Variants in PALMD observed in about 807,000 individuals in gnomAD.
PALMD encodes palmdelphin.
A neutral mutation model predicts 56.2 loss-of-function variants in PALMD; 42 were observed. The observed-to-expected ratio is 0.75, with a 90% CI of 0.58 to 0.97. The LOEUF (loss-of-function observed/expected upper bound fraction) is 0.97. PALMD is among the 50% of genes least tolerant of loss of function. The probability of loss-of-function intolerance (pLI) is 0.00; values close to 1 mark genes in which losing one functional copy is unlikely to be tolerated. For synonymous variants in PALMD, 242 were observed against 222.9 expected (o/e 1.09, Z -0.76); for missense variants, 660 against 643.8 (o/e 1.03, Z -0.27).
intron 1 of PALMD, among the ~76,000 whole-genome samples, chr1:99,648,341 C>G (rs1331411811): frequency 1.3e-5 from 2 of 152,184 alleles, no homozygotes; most frequent in Admixed American, 1.3e-4. Context: ...TCTCCTCCCT[C>G]TTGGACGCCC....
Position 99,650,240 on chromosome 1 carries a change from T to C in PALMD, c.45+3878T>C, listed in dbSNP as rs142106930. Among the ~76,000 whole-genome samples, 499 of 140,310 alleles carry C rather than the reference T, an allele frequency of 3.6e-3. 8 individuals are homozygous for C. Among genetic ancestry groups the C allele is most frequent in the Non-Finnish European group, 2.9e-3 (193 of 65,998 alleles). 92.0% of individuals were successfully genotyped at this position (140,310 alleles called of 152,430 possible). A position where few individuals can be genotyped will look rare whatever the true frequency, so the allele number is the denominator to read the frequency against. On this transcript the variant is annotated intron_variant, in intron 1 of 7. Transcript: ENST00000263174. ...GCCATATAAAGTCCTGACACTGGAA[T>C]TTGAGCAACAGAGCCAGATTTTGCC... is the stretch of plus-strand genomic sequence containing the variant.
chr1:99,647,485 A>G (rs1168694205), intron 1 of PALMD, among the ~76,000 whole-genome samples: 6 of 152,230 alleles, frequency 3.9e-5, no homozygotes, highest in Non-Finnish European at 7.3e-5. Context: ...GTCTATTGAT[A>G]AGGTTGGCAC....
At chr1:99,684,100 G>GTA (rs1309054728) in intron 3 of PALMD, 3 of 152,034 alleles carry the variant, frequency 2.0e-5, no homozygotes, top group Admixed American at 6.6e-5. Flanking sequence ...GTGTTTATGT[G>GTA]TATATATATG....
At chr1:99,660,073 A>G (rs537272329) in intron 1 of PALMD, among the ~76,000 whole-genome samples, 1 of 152,268 alleles carries the variant, frequency 6.6e-6, no homozygotes, top group African/African-American at 2.4e-5. Flanking sequence ...CCCACAAAAC[A>G]TGCTCTTCTC....
chr1:99,665,243 A>T (rs1426055374), intron 2 of PALMD, among the ~76,000 whole-genome samples: 1 of 152,126 alleles, frequency 6.6e-6, no homozygotes, highest in Non-Finnish European at 1.5e-5. Flanking sequence ...CTGCAGAAAG[A>T]CCTATCACCT....
chr1:99,679,340 G>C (rs1443735208), intron 3 of PALMD, among the ~76,000 whole-genome samples: 1 of 152,138 alleles, frequency 6.6e-6, no homozygotes, highest in Non-Finnish European at 1.5e-5. Flanking sequence ...ACACAGTCTT[G>C]TGTGGAAGCA....
intron 2 of PALMD, 127 bp from the exon 3 acceptor site, chr1:99,667,515 G>A: frequency 1.3e-6 from 1 of 773,980 alleles, no homozygotes; most frequent in Non-Finnish European, 2.2e-6. Flanking sequence ...ATTCAGGCAA[G>A]GCACTGACAG....
chr1:99,662,490 G>GA lies in PALMD; in HGVS notation c.126+98dup, dbSNP rs1571063254. 8 of 779,576 alleles carry GA rather than the reference G, an allele frequency of 1.0e-5. 1 individual carries two copies. The East Asian group carries it at 2.1e-4, about 20-fold the overall frequency. 48.3% of individuals were successfully genotyped at this position (779,576 alleles called of 1,614,324 possible). The stretch of plus-strand genomic sequence containing the variant: ...TCAATAGTAAAAAAGCTTTAGGAAA[G>GA]AAAAAAATTTCAAGATAGTTTGACT... On this transcript the variant is annotated intron_variant, in intron 2 of 7. Transcript: ENST00000263174.
At position 99,689,275 on chromosome 1, in the gene PALMD, A is replaced by C; in HGVS notation, c.1015A>C (p.Lys339Gln). ...ATCAGTGATTCAACAAGCAGAAGAG[A>C]AGCTTCACACCCCGCAAAAAAGGCT... ...PRSVIQQAEEKLHTPQKRLMT... is the reference protein window; with the variant it reads ...PRSVIQQAEEQLHTPQKRLMT... Residue 339 changes from lysine to glutamine, a missense_variant, in exon 7 of 8, where the codon AAG becomes CAG. By Grantham distance (53) the Lys-to-Gln change is moderately conservative. Transcript: ENST00000263174. 6.2e-7 allele frequency: 1 copy of C among 1,613,456 alleles called. No individual in the cohort carries two copies. The highest frequency in any genetic ancestry group is 8.5e-7 in the Non-Finnish European group (1 of 1,179,850).
At chr1:99,683,150 G>C (rs1653409242) in intron 3 of PALMD, 2 of 114,190 alleles carry the variant, frequency 1.8e-5, no homozygotes, top group East Asian at 4.3e-4. Context: ...AAGAAAGAAA[G>C]AAAGAAAGAA....
At chr1:99,672,106 T>C (rs1312176564) in intron 3 of PALMD, among the ~76,000 whole-genome samples, 2 of 152,194 alleles carry the variant, frequency 1.3e-5, no homozygotes, top group African/African-American at 2.4e-5. Flanking sequence ...GTACCCTGAC[T>C]CACACATAAC....
At chr1:99,649,996 G>C (rs919582405) in intron 1 of PALMD, among the ~76,000 whole-genome samples, 1 of 152,102 alleles carries the variant, frequency 6.6e-6, no homozygotes, top group Non-Finnish European at 1.5e-5. Context: ...ACCAAGCCTT[G>C]TGCATTTAAA....
chr1:99,684,990 G>C (rs149666570), intron 3 of PALMD: 24 of 152,312 alleles, frequency 1.6e-4, no homozygotes, highest in African/African-American at 5.8e-4. Flanking sequence ...GCTTTCCTTT[G>C]TAGACTGTCT....
intron 1 of PALMD, among the ~76,000 whole-genome samples, chr1:99,660,034 G>A (rs75997320): frequency 6.6e-6 from 1 of 152,284 alleles, no homozygotes; most frequent in East Asian, 1.9e-4. Flanking sequence ...GGGTGGGGAG[G>A]CATTGCTGGG....
chr1:99,661,945 C>A (rs1652855957), intron 1 of PALMD, among the ~76,000 whole-genome samples: 1 of 152,138 alleles, frequency 6.6e-6, no homozygotes, highest in African/African-American at 2.4e-5. Flanking sequence ...CAACCTTGGA[C>A]CAGGATCAGT....
intron 3 of PALMD, among the ~76,000 whole-genome samples, chr1:99,672,043 C>T (rs1653100070): frequency 6.6e-6 from 1 of 152,026 alleles, no homozygotes; most frequent in African/African-American, 2.4e-5. Context: ...TTATGTGTAC[C>T]ACTTTATGTA....
At chr1:99,648,851 A>G (rs1008042005) in intron 1 of PALMD, among the ~76,000 whole-genome samples, 35 of 151,478 alleles carry the variant, frequency 2.3e-4, no homozygotes, top group African/African-American at 8.5e-4. Flanking sequence ...AGAATTTGAC[A>G]GAACAAAGAT....
In PALMD at chr1:99,689,054, C is replaced by T; in HGVS notation, c.794C>T (p.Pro265Leu). ...TEYHEPVYAN[P>L]FYRPTTPQRE... is the part of the protein sequence containing the mutation. ...TATCATGAGCCTGTATATGCCAATC[C>T]CTTTTACAGGCCTACAACCCCACAG... is the stretch of plus-strand genomic sequence containing the variant. The change falls in exon 7 of 8, where the codon CCC becomes CTC. Residue 265 changes from proline (P) to leucine (L), a missense_variant. Coordinates refer to ENST00000263174, the MANE Select transcript of PALMD (RefSeq NM_017734.5). 6.2e-7 allele frequency: 1 copy of T among 1,613,502 alleles called. No homozygotes were observed. The highest frequency in any genetic ancestry group is 8.5e-7 in the Non-Finnish European group (1 of 1,179,656).
intron 3 of PALMD, among the ~76,000 whole-genome samples, chr1:99,677,431 A>T (rs1355292167): frequency 6.6e-6 from 1 of 152,062 alleles, no homozygotes; most frequent in Non-Finnish European, 1.5e-5. Context: ...ACATTCAAGC[A>T]GAGGAGAGCA....
Sources: gnomAD v4.1 joint callset for allele counts (sites outside exome capture counted in the v4.1 genomes callset) on GRCh38, gnomAD v4.1.1 for gene constraint, MANE v1.5 for transcripts, NCBI Gene and HGNC (gene_info 2026-07-23, HGNC 2026-07-21) for gene names.